MCPH1: variants seen among roughly 807,000 people sequenced by gnomAD.
MCPH1 encodes the protein microcephalin 1.
A neutral mutation model predicts 84.5 loss-of-function variants in MCPH1; 104 were observed. The observed-to-expected ratio is 1.23, with a 90% CI of 1.05 to 1.45. MCPH1 has a LOEUF of 1.45. MCPH1 is among the 40% of genes most tolerant of loss of function. MCPH1 has a pLI of 0.00. For missense variants in MCPH1, 1,498 were observed against 1,005.7 expected (o/e 1.49, Z -6.62); for synonymous variants, 514 against 366.8 (o/e 1.40, Z -4.58).
intron 12 of MCPH1, among the ~76,000 whole-genome samples, chr8:6,574,319 G>C (rs972353848): frequency 2.0e-5 from 3 of 152,024 alleles, no homozygotes; most frequent in Non-Finnish European, 2.9e-5. Context: ...TGGTGTTGCT[G>C]GCCTCATCGT....
chr8:6,522,960 A>G lies in MCPH1; in HGVS notation c.2214+23031A>G, dbSNP rs75336824. 1.1e-3 allele frequency among the ~76,000 whole-genome samples: 164 copies of G among 151,988 alleles called. No individual in the cohort carries two copies. In the East Asian group the frequency reaches 0.022, roughly 21 times the overall value. On this transcript the variant is annotated intron_variant, in intron 12 of 13. Coordinates refer to ENST00000344683, the MANE Select transcript of MCPH1 (RefSeq NM_024596.5). ...ACCAGCGCTATGGCATGTACTTAAT[A>G]CATAACAGTTAATATGTGAGCCAAG...
chr8:6,522,212 A>G (rs893154880), intron 12 of MCPH1, among the ~76,000 whole-genome samples: 1 of 152,000 alleles, frequency 6.6e-6, no homozygotes, highest in African/African-American at 2.4e-5. Flanking sequence ...AAAATTCTCC[A>G]GGCGTGGTGG....
intron 11 of MCPH1, among the ~76,000 whole-genome samples, chr8:6,482,210 G>C (rs951288001): frequency 5.3e-5 from 8 of 152,294 alleles, no homozygotes; most frequent in Admixed American, 1.3e-4. Context: ...GCTCCAAGGT[G>C]CTTTCTTTAA....
At chr8:6,626,140 A>T in intron 13 of MCPH1, 1 of 985,314 alleles carries the variant, frequency 1.0e-6, no homozygotes, top group Non-Finnish European at 1.2e-6. Context: ...TACTTGTAAG[A>T]ATTTCTTTCG....
At chr8:6,473,538 A>G (rs1483943265) in intron 9 of MCPH1, among the ~76,000 whole-genome samples, 1 of 151,924 alleles carries the variant, frequency 6.6e-6, no homozygotes, top group East Asian at 1.9e-4. Context: ...TCACAGTGTT[A>G]GCCAGGATGG....
chr8:6,408,351 C>G lies in MCPH1; in HGVS notation c.23-928C>G, dbSNP rs375378505. 3.9e-5 allele frequency among the ~76,000 whole-genome samples: 6 copies of G among 152,178 alleles called. No homozygotes were observed. In the South Asian group the frequency reaches 1.2e-3, roughly 32 times the overall value. On this transcript the variant is annotated intron_variant, in intron 1 of 13. Coordinates refer to ENST00000344683, the MANE Select transcript of MCPH1 (RefSeq NM_024596.5). ...CTCCTGAGTAACTTGGGACTACAGG[C>G]ACTACCACGCCCGGTTATTTTTATT...
At chr8:6,538,589 C>T (rs73507135) in intron 12 of MCPH1, among the ~76,000 whole-genome samples, 2,786 of 152,312 alleles carry the variant, frequency 0.018, 99 homozygotes, top group African/African-American at 0.064. Context: ...CCTCATACCA[C>T]GGCCGCCTTT....
At chr8:6,407,021 C>T (rs1336042026) in intron 1 of MCPH1, 2 of 356,298 alleles carry the variant, frequency 5.6e-6, no homozygotes, top group African/African-American at 2.7e-5. Context: ...TCCCCTCAAT[C>T]CCCCGCTGCC....
At chr8:6,457,261 G>C (rs1404383022) in intron 9 of MCPH1, among the ~76,000 whole-genome samples, 1 of 152,114 alleles carries the variant, frequency 6.6e-6, no homozygotes, top group Non-Finnish European at 1.5e-5. Flanking sequence ...CACCACTTCT[G>C]GTTCTGTGTG....
chr8:6,491,805 C>G (rs540598535), intron 11 of MCPH1, among the ~76,000 whole-genome samples: 1 of 152,114 alleles, frequency 6.6e-6, no homozygotes, highest in African/African-American at 2.4e-5. Context: ...AGGACATGAA[C>G]TCATCATATT....
At chr8:6,503,401 G>T in intron 12 of MCPH1, 1 of 785,462 alleles carries the variant, frequency 1.3e-6, no homozygotes, top group Non-Finnish European at 2.1e-6. Flanking sequence ...AGTATAGGAT[G>T]TGCACTGGCA....
In MCPH1 at chr8:6,445,079, A is replaced by G; in HGVS notation, c.1357A>G (p.Thr453Ala). The G allele has an allele frequency of 6.2e-7, 1 of 1,614,258 alleles. No individual in the cohort carries two copies. Among genetic ancestry groups the G allele is most frequent in the Non-Finnish European group, 8.5e-7 (1 of 1,180,042 alleles). Residue 453 changes from threonine (T) to alanine (A), a missense_variant, in exon 8 of 14, where the codon ACA becomes GCA. By Grantham distance (58) the Thr-to-Ala change is moderately conservative. Coordinates refer to ENST00000344683, the MANE Select transcript of MCPH1 (RefSeq NM_024596.5). Reference protein sequence around the residue: ...SCRSLSKKERTSIFEMSDFSC... With the variant: ...SCRSLSKKERASIFEMSDFSC... Reference sequence around the variant, plus strand: ...CAGAAGTCTTTCTAAGAAGGAGAGAACAAGCATATTTGAAATGTCTGATTT... The same window carrying G: ...CAGAAGTCTTTCTAAGAAGGAGAGAGCAAGCATATTTGAAATGTCTGATTT...
intron 12 of MCPH1, among the ~76,000 whole-genome samples, chr8:6,539,235 C>A (rs868362276): frequency 6.6e-6 from 1 of 152,234 alleles, no homozygotes; most frequent in African/African-American, 2.4e-5. Flanking sequence ...TTCACATGCC[C>A]TGTGACGTGG....
chr8:6,552,944 A>G (rs1231530533), intron 12 of MCPH1, among the ~76,000 whole-genome samples: 1 of 152,154 alleles, frequency 6.6e-6, no homozygotes, highest in Non-Finnish European at 1.5e-5. Context: ...AGGGTTTGCC[A>G]GGGGTTAAGG....
intron 12 of MCPH1, among the ~76,000 whole-genome samples, chr8:6,512,780 A>G (rs529888554): frequency 7.2e-5 from 11 of 152,300 alleles, no homozygotes; most frequent in South Asian, 6.2e-4. Context: ...TGCCCATGCT[A>G]TTACTTATGA....
chr8:6,501,214 G>A (rs1359417221), intron 12 of MCPH1: 3 of 152,176 alleles, frequency 2.0e-5, no homozygotes, highest in Non-Finnish European at 4.4e-5. Context: ...CTCCAAATAT[G>A]TAGCAACACC....
chr8:6,435,486 T>C (rs1802511686), intron 4 of MCPH1, among the ~76,000 whole-genome samples: 2 of 152,086 alleles, frequency 1.3e-5, no homozygotes, highest in Non-Finnish European at 2.9e-5. Context: ...CTGGGAGGTG[T>C]CATCTGACTG....
intron 12 of MCPH1, among the ~76,000 whole-genome samples, chr8:6,559,166 G>A (rs1232430376): frequency 6.6e-6 from 1 of 151,574 alleles, no homozygotes; most frequent in Non-Finnish European, 1.5e-5. Flanking sequence ...AATGAACCAA[G>A]CCCTGGGTTT....
intron 12 of MCPH1, among the ~76,000 whole-genome samples, chr8:6,607,818 G>T: frequency 6.6e-6 from 1 of 152,320 alleles, no homozygotes; most frequent in Middle Eastern, 3.4e-3. Flanking sequence ...CCAGGCAGGT[G>T]GAACTGTGAG....
Sources: allele counts gnomAD v4.1 joint callset (sites outside exome capture counted in the v4.1 genomes callset), GRCh38; gene constraint gnomAD v4.1.1; transcripts MANE v1.5; gene names NCBI Gene and HGNC (gene_info 2026-07-23, HGNC 2026-07-21).